Variants in CNOT1 observed in about 807,000 individuals in gnomAD.
The protein encoded by CNOT1 is CCR4-associated factor 1.
Under a neutral mutation model 273.8 loss-of-function variants are expected in CNOT1, and 15 were observed. The observed-to-expected ratio is 0.05, with a 90% CI of 0.04 to 0.08. The LOEUF is 0.08. CNOT1 is among the 10% of genes least tolerant of loss of function. The probability of loss-of-function intolerance (pLI) is 1.00; values close to 1 mark genes in which losing one functional copy is unlikely to be tolerated. For missense variants in CNOT1, 1,644 were observed against 2,912.2 expected (o/e 0.56, Z 10.02); for synonymous variants, 1,022 against 1,005.5 (o/e 1.02, Z -0.31).
At chr16:58,604,126 A>C (rs574567966) in intron 1 of CNOT1, among the ~76,000 whole-genome samples, 8 of 152,184 alleles carry the variant, frequency 5.3e-5, no homozygotes, top group Non-Finnish European at 8.8e-5. Context: ...ATAGACAATA[A>C]GTGATTTAGC....
At chr16:58,540,077 T>A in intron 34 of CNOT1, 118 bp from the exon 35 acceptor site, 1 of 1,040,388 alleles carries the variant, frequency 9.6e-7, no homozygotes, top group Non-Finnish European at 1.4e-6. Context: ...ATTTTTACAT[T>A]CAAACATGGA....
chr16:58,624,094 T>C (rs752069011), intron 1 of CNOT1, among the ~76,000 whole-genome samples: 7 of 152,128 alleles, frequency 4.6e-5, no homozygotes, highest in Non-Finnish European at 8.8e-5. Flanking sequence ...TTATAGTCAG[T>C]TGGTCAGAAA....
At position 58,546,327 on chromosome 16, in the gene CNOT1, T is replaced by A; in HGVS notation, c.4000A>T (p.Thr1334Ser). 1 of 1,613,230 alleles carries A rather than the reference T, an allele frequency of 6.2e-7. No homozygotes were observed. The highest frequency in any genetic ancestry group is 8.5e-7 in the Non-Finnish European group (1 of 1,179,360). The change falls in exon 29 of 49, where the codon ACC (threonine) becomes TCC (serine). Residue 1334 changes from threonine to serine, a missense_variant. By Grantham distance (58) the Thr-to-Ser change is moderately conservative. Coordinates refer to ENST00000317147, the MANE Select transcript of CNOT1 (RefSeq NM_016284.5). ...GACTAATTAGCACACTTACTTGTGG[T>A]TGTGATGGGAGGGAGTTCTTCTGGC... Reference protein sequence around the residue: ...KQPEELPPITTTTTSTTPATN... With the variant: ...KQPEELPPITSTTTSTTPATN...
chr16:58,581,634 T>A, intron 10 of CNOT1, 119 bp from the exon 11 acceptor site: 1 of 1,411,226 alleles, frequency 7.1e-7, no homozygotes, highest in Non-Finnish European at 9.3e-7. Context: ...AAATTTTTAA[T>A]GTGAATTTTA....
chr16:58,541,363 T>C, intron 34 of CNOT1, 138 bp downstream of exon 34: 2 of 1,333,884 alleles, frequency 1.5e-6, no homozygotes, highest in Non-Finnish European at 2.0e-6. Flanking sequence ...ACACAAAGAA[T>C]ACCTACAACT....
chr16:58,535,164 C>G (rs2039887582), intron 39 of CNOT1, among the ~76,000 whole-genome samples: 1 of 151,346 alleles, frequency 6.6e-6, no homozygotes, highest in African/African-American at 2.4e-5. Flanking sequence ...TCACTACTTA[C>G]TAAACACAGA....
At chr16:58,614,690 G>A (rs1408285832) in intron 1 of CNOT1, among the ~76,000 whole-genome samples, 3 of 125,242 alleles carry the variant, frequency 2.4e-5, no homozygotes, top group African/African-American at 8.1e-5. Flanking sequence ...TGTATACTTT[G>A]CTATAGAAAA....
chr16:58,538,446 A>G (rs1316325972), intron 36 of CNOT1, among the ~76,000 whole-genome samples, 180 bp from the exon 37 acceptor site: 1 of 152,196 alleles, frequency 6.6e-6, no homozygotes, highest in South Asian at 2.1e-4. Flanking sequence ...TTCCTTTCAA[A>G]TCCTAGGATA....
intron 1 of CNOT1, among the ~76,000 whole-genome samples, chr16:58,619,617 G>A (rs1026936545): frequency 2.6e-5 from 4 of 151,902 alleles, no homozygotes; most frequent in African/African-American, 9.7e-5. Context: ...GTAGAGACGG[G>A]GTTTCACCAT....
At chr16:58,524,596 AAG>A (rs1397715434) in intron 46 of CNOT1, among the ~76,000 whole-genome samples, 1 of 152,160 alleles carries the variant, frequency 6.6e-6, no homozygotes, top group Non-Finnish European at 1.5e-5. Context: ...AGCAAAGTTA[AAG>A]AGTAGTGTCC....
At chr16:58,577,604 A>C (rs1286640316) in intron 13 of CNOT1, among the ~76,000 whole-genome samples, 1 of 152,214 alleles carries the variant, frequency 6.6e-6, no homozygotes, top group African/African-American at 2.4e-5. Context: ...AAAGGGGAAG[A>C]AAGTTTTTTT....
chr16:58,534,722 T>C (rs935647151), intron 39 of CNOT1, among the ~76,000 whole-genome samples: 10 of 152,238 alleles, frequency 6.6e-5, no homozygotes, highest in African/African-American at 1.7e-4. Context: ...CTGTAAGTCA[T>C]GTTAAGACAT....
chr16:58,619,432 C>CT (rs1023753231), intron 1 of CNOT1, among the ~76,000 whole-genome samples: 3,140 of 144,608 alleles, frequency 0.022, 49 homozygotes, highest in Middle Eastern at 0.12. Context: ...CATTTTCTTT[C>CT]TTTTTTTTTT....
intron 32 of CNOT1, 35 bp downstream of exon 32, chr16:58,542,393 A>G: frequency 6.2e-7 from 1 of 1,612,978 alleles, no homozygotes; most frequent in Non-Finnish European, 8.5e-7. Context: ...TAAATTAAAA[A>G]AGAAAATCTT....
chr16:58,581,909 T>G (rs984486297), intron 10 of CNOT1, among the ~76,000 whole-genome samples: 1 of 152,076 alleles, frequency 6.6e-6, no homozygotes, highest in Non-Finnish European at 1.5e-5. Flanking sequence ...GTGATCCACC[T>G]GCCTCGGCCT....
In CNOT1 at chr16:58,526,019, A is replaced by G. The variant is rs767516673; in HGVS notation, c.6573T>C (p.Thr2191=). The stretch of plus-strand genomic sequence containing the variant: ...GGTTGCTGCGCAGATCAGACAGGAA[A>G]GTGACTGGTGATCGAGTTTTAAGAT... ...DSYLKTRSPV[T]FLSDLRSNLQ... is the part of the protein sequence containing the mutation. Residue 2191 remains threonine, a synonymous_variant, in exon 45 of 49, where the codon ACT becomes ACC. Transcript: ENST00000317147. 7 of 1,614,156 alleles carry G rather than the reference A, an allele frequency of 4.3e-6. No individual in the cohort carries two copies. Among genetic ancestry groups the G allele is most frequent in the Admixed American group, 1.7e-5 (1 of 60,028 alleles).
At chr16:58,629,376 C>T (rs996509788) in intron 1 of CNOT1, among the ~76,000 whole-genome samples, 11 of 152,188 alleles carry the variant, frequency 7.2e-5, no homozygotes, top group Non-Finnish European at 1.3e-4. Context: ...GGGTGCAACC[C>T]GCGCGAAGCC....
chr16:58,552,989 T>C (rs948916539), intron 22 of CNOT1, among the ~76,000 whole-genome samples: 1 of 152,124 alleles, frequency 6.6e-6, no homozygotes, highest in African/African-American at 2.4e-5. Context: ...AATAAGCATC[T>C]CAGGCGGGCG....
chr16:58,532,907 C>T (rs1308233275), intron 40 of CNOT1: 2 of 154,942 alleles, frequency 1.3e-5, no homozygotes, highest in African/African-American at 4.8e-5. Flanking sequence ...TCCATTTTTA[C>T]AAGTATTTTT....
Sources: allele counts gnomAD v4.1 joint callset (sites outside exome capture counted in the v4.1 genomes callset), GRCh38; gene constraint gnomAD v4.1.1; transcripts MANE v1.5; gene names NCBI Gene and HGNC (gene_info 2026-07-23, HGNC 2026-07-21).